The following GPR137C variants were observed in gnomAD, a reference collection of about 807,000 sequenced individuals.
GPR137C encodes the protein integral membrane protein GPR137C.
In GPR137C, 27 loss-of-function variants were observed where a neutral mutation model predicts 43.4. The ratio of observed to expected loss-of-function variants is 0.62; its 90% confidence interval spans 0.46 to 0.86. The LOEUF is 0.86. Ranked by LOEUF, GPR137C falls within the 40% of genes least tolerant of loss-of-function variation. The pLI, the probability that GPR137C is intolerant of heterozygous loss-of-function variation, is 0.00. For missense variants in GPR137C, 522 were observed against 534.6 expected (o/e 0.98, Z 0.23); for synonymous variants, 285 against 226.9 (o/e 1.26, Z -2.30).
chr14:52,559,502 T>C (rs1433528077), intron 1 of GPR137C, among the ~76,000 whole-genome samples: 1 of 152,222 alleles, frequency 6.6e-6, no homozygotes, highest in African/African-American at 2.4e-5. Context: ...AATTCAACCA[T>C]AGATGATTTT....
chr14:52,624,103 A>T (rs1421906926), intron 3 of GPR137C, among the ~76,000 whole-genome samples: 2 of 151,504 alleles, frequency 1.3e-5, no homozygotes, highest in East Asian at 3.9e-4. Flanking sequence ...TTCTAATTAA[A>T]TTTTTTTAAG....
At chr14:52,568,749 T>C (rs1225959595) in intron 1 of GPR137C, among the ~76,000 whole-genome samples, 1 of 152,202 alleles carries the variant, frequency 6.6e-6, no homozygotes, top group East Asian at 1.9e-4. Flanking sequence ...TGTAGATTTC[T>C]CCTCTCTGAG....
intron 3 of GPR137C, among the ~76,000 whole-genome samples, chr14:52,604,184 T>A (rs1206609496): frequency 6.6e-6 from 1 of 152,190 alleles, no homozygotes; most frequent in African/African-American, 2.4e-5. Context: ...GGATAACTTG[T>A]AAATATTTAC....
chr14:52,564,959 A>G (rs2038344220), intron 1 of GPR137C, among the ~76,000 whole-genome samples: 1 of 150,188 alleles, frequency 6.7e-6, no homozygotes, highest in African/African-American at 2.4e-5. Context: ...GCTTTAAAAC[A>G]AAAGTCCCAA....
At chr14:52,555,404 T>C (rs372961107) in intron 1 of GPR137C, among the ~76,000 whole-genome samples, 14 of 152,158 alleles carry the variant, frequency 9.2e-5, no homozygotes, top group African/African-American at 3.4e-4. Context: ...CAGATTAAGA[T>C]ATAAAGCATT....
rs78896503 is a variant in GPR137C at position 52,634,152 on chromosome 14, A to G, written c.1112+206A>G. On this transcript the variant is annotated intron_variant, in intron 6 of 6. Transcript: ENST00000321662. ...GGAACTACCATTTGACTCAAAGCCT[A>G]TATGCCTTTTGGCTAAAATGGTACC... Among the ~76,000 whole-genome samples the G allele has an allele frequency of 4.7e-3, 717 of 152,244 alleles. 11 individuals are homozygous for G. The highest frequency in any genetic ancestry group is 0.016 in the African/African-American group (671 of 41,544).
Position 52,635,199 on chromosome 14 carries a change from C to A in GPR137C, c.*84C>A. On this transcript the variant is annotated 3_prime_UTR_variant, in exon 7 of 7. Coordinates refer to ENST00000321662, the MANE Select transcript of GPR137C (RefSeq NM_001099652.2). ...TTTAAATTCCATCTACATAAACATT[C>A]CATTATCTGTTGCAACTGAAAACAA... The A allele has an allele frequency of 8.8e-7, 1 of 1,140,846 alleles. No homozygotes were observed. Among genetic ancestry groups the A allele is most frequent in the Non-Finnish European group, 1.2e-6 (1 of 833,582 alleles). 70.7% of individuals were successfully genotyped at this position (1,140,846 alleles called of 1,614,324 possible).
rs916294698 is a variant in GPR137C at position 52,552,959 on chromosome 14, G to A, written c.-189G>A. On this transcript the variant is annotated 5_prime_UTR_variant, in exon 1 of 7. Coordinates refer to ENST00000321662, the MANE Select transcript of GPR137C (RefSeq NM_001099652.2). Reference sequence around the variant, plus strand: ...AGCCGAGACCCCCGGGGGGTGGGGGGAAAGAGGAGGCGGGGTCCGGGGGAG... The same window carrying A: ...AGCCGAGACCCCCGGGGGGTGGGGGAAAAGAGGAGGCGGGGTCCGGGGGAG... 4.0e-5 allele frequency among the ~76,000 whole-genome samples: 6 copies of A among 148,980 alleles called. No individual in the cohort carries two copies. Among genetic ancestry groups the A allele is most frequent in the African/African-American group, 4.9e-5 (2 of 40,826 alleles).
In GPR137C at chr14:52,634,966, T is replaced by C; in HGVS notation, c.1141T>C (p.Tyr381His). 1 of 1,612,756 alleles carries C rather than the reference T, an allele frequency of 6.2e-7. No homozygotes were observed. Residue 381 changes from tyrosine (Y) to histidine (H), a missense_variant, in exon 7 of 7, where the codon TAT becomes CAT. Around this residue, in one of 3 missense-constraint regions of GPR137C, gnomAD observed 67 missense variants for 69.0 expected, o/e 0.97. Transcript: ENST00000321662. ...SLPNSQSLGW[Y>H]GTMTGCGSSS... Reference sequence around the variant, plus strand: ...ACCAAATTCGCAAAGTTTGGGCTGGTATGGCACCATGACTGGGTGTGGCAG... The same window carrying C: ...ACCAAATTCGCAAAGTTTGGGCTGGCATGGCACCATGACTGGGTGTGGCAG...
rs1487234946 is a variant in GPR137C at position 52,633,809 on chromosome 14, TCTAATA to T, written c.994-16_994-11del. ...GGAAAAGTAAAACCTTCATATGCTA[TCTAATA>T]CTTTGTTCACAGGCACCTGCTGGCA... On this transcript the variant is annotated splice_polypyrimidine_tract_variant and intron_variant, in intron 5 of 6. Transcript: ENST00000321662. 2 of 1,564,448 alleles carry T rather than the reference TCTAATA, an allele frequency of 1.3e-6. No homozygotes were observed. Among genetic ancestry groups the T allele is most frequent in the African/African-American group, 2.7e-5 (2 of 73,818 alleles).
chr14:52,573,189 C>G (rs1353386127), intron 1 of GPR137C, among the ~76,000 whole-genome samples: 4 of 152,154 alleles, frequency 2.6e-5, no homozygotes, highest in Admixed American at 2.6e-4. Flanking sequence ...ATCAAGCTAC[C>G]ATTGACTTTC....
At chr14:52,554,362 T>C (rs1012022770) in intron 1 of GPR137C, among the ~76,000 whole-genome samples, 5 of 152,248 alleles carry the variant, frequency 3.3e-5, no homozygotes, top group African/African-American at 1.2e-4. Context: ...GTTTTTGCAA[T>C]AACTTGCTTA....
chr14:52,581,195 C>CA (rs71125115), intron 1 of GPR137C, among the ~76,000 whole-genome samples: 22,274 of 83,314 alleles, frequency 0.27, 2,237 homozygotes, highest in Non-Finnish European at 0.3. Flanking sequence ...GACTTCTTCT[C>CA]AAAAAAAAAA....
chr14:52,596,986 C>T (rs548593051), intron 1 of GPR137C: 199 of 455,006 alleles, frequency 4.4e-4, no homozygotes, highest in African/African-American at 1.5e-3. Context: ...CCAAATGGTG[C>T]GTTTGTAACA....
At chr14:52,612,257 T>C (rs2039046285) in intron 3 of GPR137C, 1 of 964,468 alleles carries the variant, frequency 1.0e-6, no homozygotes, top group East Asian at 1.1e-4. Flanking sequence ...TAAATGTAAA[T>C]ATAATTTTAT....
intron 3 of GPR137C, among the ~76,000 whole-genome samples, chr14:52,625,961 G>A (rs920562298): frequency 2.0e-4 from 31 of 152,156 alleles, no homozygotes; most frequent in African/African-American, 6.5e-4. Flanking sequence ...TACATCCGTG[G>A]ATTCAACTAA....
intron 1 of GPR137C, among the ~76,000 whole-genome samples, chr14:52,568,005 A>G (rs557268502): frequency 6.6e-6 from 1 of 152,200 alleles, no homozygotes; most frequent in South Asian, 2.1e-4. Context: ...GGCTGGCAAG[A>G]TGGCCAAATA....
At chr14:52,626,444 C>A (rs1384128392) in intron 3 of GPR137C, among the ~76,000 whole-genome samples, 1 of 151,090 alleles carries the variant, frequency 6.6e-6, no homozygotes, top group Non-Finnish European at 1.5e-5. Flanking sequence ...AAATTTGGTA[C>A]CCTTCATGAT....
intron 3 of GPR137C, among the ~76,000 whole-genome samples, chr14:52,622,879 G>T (rs2039176285): frequency 1.3e-5 from 2 of 152,052 alleles, no homozygotes; most frequent in African/African-American, 4.8e-5. Flanking sequence ...CAATGAAACT[G>T]ACTTTCTTTT....
Sources: gnomAD v4.1 joint callset for allele counts (sites outside exome capture counted in the v4.1 genomes callset) on GRCh38, gnomAD v4.1.1 for gene constraint, gnomAD v4.1.1 regional missense constraint, MANE v1.5 for transcripts, NCBI Gene and HGNC (gene_info 2026-07-23, HGNC 2026-07-21) for gene names.